PCDHA2: variants seen among roughly 807,000 people sequenced by gnomAD.
The protein encoded by PCDHA2 is protocadherin alpha 2, also known as protocadherin alpha-2.
PCDHA2 carries 58 observed loss-of-function variants against 66.0 expected under a neutral mutation model. The ratio of observed to expected loss-of-function variants is 0.88; its 90% CI spans 0.71 to 1.09. The LOEUF is 1.09. Ranked by LOEUF, PCDHA2 falls within the 50% of genes least tolerant of loss-of-function variation. PCDHA2 has a pLI of 0.00. For missense variants in PCDHA2, 1,267 were observed against 1,242.3 expected (o/e 1.02, Z -0.30); for synonymous variants, 634 against 554.0 (o/e 1.14, Z -2.03).
chr5:140,971,970 A>C (rs2096510217), intron 1 of PCDHA2, among the ~76,000 whole-genome samples: 1 of 152,130 alleles, frequency 6.6e-6, no homozygotes, highest in Non-Finnish European at 1.5e-5. Flanking sequence ...TTTTTTCAAT[A>C]CTATGAGTAG....
intron 1 of PCDHA2, chr5:140,876,368 C>T (rs564115297): frequency 3.7e-5 from 59 of 1,613,904 alleles, no homozygotes; most frequent in Non-Finnish European, 4.9e-5. Context: ...AATCCAGACA[C>T]AGGTGAAATT....
chr5:140,890,543 CTGAG>C (rs1391853747), intron 1 of PCDHA2, among the ~76,000 whole-genome samples: 1 of 152,012 alleles, frequency 6.6e-6, no homozygotes, highest in African/African-American at 2.4e-5. Context: ...TTTGAAATGA[CTGAG>C]TACTTTTTAT....
intron 1 of PCDHA2, among the ~76,000 whole-genome samples, chr5:140,975,369 T>G (rs2096664514): frequency 6.6e-6 from 1 of 152,230 alleles, no homozygotes; most frequent in Admixed American, 6.5e-5. Flanking sequence ...CATAGCATAA[T>G]GTAATCATGG....
intron 1 of PCDHA2, chr5:140,834,353 G>A: frequency 6.5e-7 from 1 of 1,537,316 alleles, no homozygotes; most frequent in South Asian, 1.3e-5. Context: ...GGCAAGTTTT[G>A]CTGACTAGAA....
intron 1 of PCDHA2, among the ~76,000 whole-genome samples, chr5:140,975,429 C>T (rs1006180121): frequency 2.6e-5 from 4 of 152,208 alleles, no homozygotes; most frequent in African/African-American, 9.6e-5. Flanking sequence ...AGGGTGTGCA[C>T]ACCAGGATAT....
chr5:140,842,542 G>A (rs1432404802), intron 1 of PCDHA2: 6 of 1,608,260 alleles, frequency 3.7e-6, no homozygotes, highest in African/African-American at 1.3e-5. Flanking sequence ...ACTACTCGTT[G>A]GTGCTGGACA....
chr5:140,850,493 G>T, intron 1 of PCDHA2: 4 of 1,598,102 alleles, frequency 2.5e-6, no homozygotes, highest in African/African-American at 1.3e-5. Flanking sequence ...CCACTGTGCT[G>T]GTGTCGCTGG....
chr5:140,878,517 G>T (rs2153361711), intron 1 of PCDHA2, among the ~76,000 whole-genome samples: 1 of 152,246 alleles, frequency 6.6e-6, no homozygotes, highest in African/African-American at 2.4e-5. Context: ...AGTACAGTTG[G>T]TAACCAACTG....
Position 140,907,311 on chromosome 5 carries a change from T to C in PCDHA2, c.2389-71638T>C, listed in dbSNP as rs534638330. Among the ~76,000 whole-genome samples the C allele has an allele frequency of 5.9e-5, 9 of 152,292 alleles. No individual in the cohort carries two copies. The East Asian group carries it at 1.7e-3, about 29-fold the overall frequency. On this transcript the variant is annotated intron_variant, in intron 1 of 3. Coordinates refer to ENST00000526136, the MANE Select transcript of PCDHA2 (RefSeq NM_018905.3). Reference sequence around the variant, plus strand: ...AGCTGCTTCAGGATGATGGGGAACATGTAAAGACCAGTGAATTCCATATGC... The same window carrying C: ...AGCTGCTTCAGGATGATGGGGAACACGTAAAGACCAGTGAATTCCATATGC...
At position 140,829,352 on chromosome 5, in the gene PCDHA2, T is replaced by A; in HGVS notation, c.2388+32000T>A. 12 of 1,614,230 alleles carry A rather than the reference T, an allele frequency of 7.4e-6. No individual in the cohort carries two copies. Among genetic ancestry groups the A allele is most frequent in the Non-Finnish European group, 1.0e-5 (12 of 1,180,050 alleles). On this transcript the variant is annotated intron_variant, in intron 1 of 3. Transcript: ENST00000526136. ...CCTGGACCGCGAGAGCGTGTCGGCC[T>A]ATGAGTTGGTGGTAACCGCGCGGGA...
At chr5:140,987,451 T>G (rs1481665271) in intron 3 of PCDHA2, among the ~76,000 whole-genome samples, 2 of 152,108 alleles carry the variant, frequency 1.3e-5, no homozygotes, top group African/African-American at 4.8e-5. Flanking sequence ...GCCCGAGAGA[T>G]AATTGTTAAG....
chr5:140,887,540 C>T (rs1039020160), intron 1 of PCDHA2, among the ~76,000 whole-genome samples: 1 of 152,100 alleles, frequency 6.6e-6, no homozygotes. Flanking sequence ...CTCTCCCCAC[C>T]CCTCATGGTT....
chr5:140,895,874 C>T (rs1051774060), intron 1 of PCDHA2, among the ~76,000 whole-genome samples: 5 of 152,120 alleles, frequency 3.3e-5, no homozygotes, highest in Admixed American at 2.6e-4. Context: ...TGCAATGGCG[C>T]GATCTCGGCT....
At chr5:140,927,989 A>T (rs2084847354) in intron 1 of PCDHA2, 1 of 1,614,208 alleles carries the variant, frequency 6.2e-7, no homozygotes, top group African/African-American at 1.3e-5. Flanking sequence ...AGTGTAAAGG[A>T]TGAAGACCTC....
chr5:140,964,969 G>T (rs2095866914), intron 1 of PCDHA2, among the ~76,000 whole-genome samples: 1 of 152,190 alleles, frequency 6.6e-6, no homozygotes, highest in South Asian at 2.1e-4. Flanking sequence ...TGGAACGAAG[G>T]GATGTGCTAG....
At chr5:140,869,412 C>T (rs1164802929) in intron 1 of PCDHA2, 3 of 1,614,078 alleles carry the variant, frequency 1.9e-6, no homozygotes, top group Admixed American at 1.7e-5. Flanking sequence ...CGGAGTGCAG[C>T]ATCCACCTGG....
chr5:140,954,120 C>G (rs246026), intron 1 of PCDHA2, among the ~76,000 whole-genome samples: 85,718 of 152,076 alleles, frequency 0.56, 24,786 homozygotes, highest in African/African-American at 0.69. Flanking sequence ...GATCTTGTTC[C>G]TTTTTATGGA....
At chr5:140,833,066 C>T (rs2150205911) in intron 1 of PCDHA2, among the ~76,000 whole-genome samples, 8 of 152,126 alleles carry the variant, frequency 5.3e-5, no homozygotes, top group Non-Finnish European at 8.8e-5. Context: ...TGAGAAAAAC[C>T]TTTTGTATAA....
chr5:140,967,966 G>A, intron 1 of PCDHA2: 1 of 1,614,214 alleles, frequency 6.2e-7, no homozygotes, highest in African/African-American at 1.3e-5. Context: ...ACCGGAAAGT[G>A]AGCCTGGGTC....
Sources: gnomAD v4.1 joint callset for allele counts (sites outside exome capture counted in the v4.1 genomes callset) on GRCh38, gnomAD v4.1.1 for gene constraint, MANE v1.5 for transcripts, NCBI Gene and HGNC (gene_info 2026-07-23, HGNC 2026-07-21) for gene names.